The following DNAJC5B variants were observed in gnomAD, a reference collection of about 807,000 sequenced individuals.
The protein encoded by DNAJC5B is DnaJ heat shock protein family (Hsp40) member C5 beta, also known as dnaJ homolog subfamily C member 5B.
A neutral mutation model predicts 24.7 loss-of-function variants in DNAJC5B; 23 were observed. The ratio of observed to expected loss-of-function variants is 0.93; its 90% confidence interval spans 0.67 to 1.32. The LOEUF (loss-of-function observed/expected upper bound fraction) is 1.32. DNAJC5B is among the 40% of genes most tolerant of loss of function. The pLI is 0.00. For synonymous variants in DNAJC5B, 101 were observed against 90.1 expected (o/e 1.12, Z -0.68); for missense variants, 238 against 240.8 (o/e 0.99, Z 0.08).
At position 66,043,580 on chromosome 8, in the gene DNAJC5B, G is replaced by GAGC. The variant is rs1806661400; in HGVS notation, c.-45_-43dup. 6.6e-6 allele frequency: 1 copy of GAGC among 152,248 alleles called. No homozygotes were observed. Among genetic ancestry groups the GAGC allele is most frequent in the Non-Finnish European group, 1.5e-5 (1 of 68,062 alleles). 9.4% of individuals were successfully genotyped at this position (152,248 alleles called of 1,614,324 possible). On this transcript the variant is annotated 5_prime_UTR_variant, in exon 2 of 6. Coordinates refer to ENST00000276570, the MANE Select transcript of DNAJC5B (RefSeq NM_033105.6). ...CTGCATGGGGGGGAAGGATGGAAAG[G>GAGC]AGCAGCTGTTTGCTTTGAAACGGTG...
At chr8:66,037,541 A>G (rs1361844296) in intron 1 of DNAJC5B, among the ~76,000 whole-genome samples, 1 of 152,144 alleles carries the variant, frequency 6.6e-6, no homozygotes, top group Non-Finnish European at 1.5e-5. Context: ...GGGTGTGTGT[A>G]TGCTTGTGGA....
intron 5 of DNAJC5B, among the ~76,000 whole-genome samples, chr8:66,094,861 T>A (rs1160957607): frequency 6.6e-6 from 1 of 152,106 alleles, no homozygotes; most frequent in East Asian, 1.9e-4. Context: ...TCAGAGATGG[T>A]CATGATTTTT....
chr8:66,048,597 T>C (rs1806776335), intron 2 of DNAJC5B, among the ~76,000 whole-genome samples: 1 of 152,154 alleles, frequency 6.6e-6, no homozygotes, highest in Admixed American at 6.5e-5. Flanking sequence ...CTCTCTGAGC[T>C]AGATCCCAAT....
At chr8:66,039,264 G>A (rs536123692) in intron 1 of DNAJC5B, among the ~76,000 whole-genome samples, 1 of 152,002 alleles carries the variant, frequency 6.6e-6, no homozygotes, top group South Asian at 2.1e-4. Context: ...TCACTGGCTG[G>A]TTACCTTGGG....
At chr8:66,042,875 C>A (rs931287633) in intron 1 of DNAJC5B, among the ~76,000 whole-genome samples, 9 of 151,918 alleles carry the variant, frequency 5.9e-5, no homozygotes, top group African/African-American at 2.2e-4. Flanking sequence ...GCTGGGCTAC[C>A]TGTCTTGGTA....
chr8:66,059,009 C>T (rs1414528136), intron 3 of DNAJC5B, among the ~76,000 whole-genome samples: 1 of 152,160 alleles, frequency 6.6e-6, no homozygotes, highest in Admixed American at 6.5e-5. Context: ...CCCTTTGGTG[C>T]TGCTGTTTAA....
intron 5 of DNAJC5B, among the ~76,000 whole-genome samples, chr8:66,099,001 C>G (rs1197675290): frequency 7.0e-6 from 1 of 143,578 alleles, no homozygotes; most frequent in Non-Finnish European, 1.5e-5. Context: ...CTCTCTGTCT[C>G]TCTCTCTCTC....
chr8:66,091,645 T>A (rs1203732274), intron 5 of DNAJC5B, among the ~76,000 whole-genome samples: 1 of 152,138 alleles, frequency 6.6e-6, no homozygotes, highest in African/African-American at 2.4e-5. Context: ...GAGATATGCT[T>A]AGACAAAGGT....
rs1271742540 is a variant in DNAJC5B, at chr8:66,092,298, CACA to C, written c.506-7636_506-7634del. On this transcript the variant is annotated intron_variant, in intron 5 of 5. Coordinates refer to ENST00000276570, the MANE Select transcript of DNAJC5B (RefSeq NM_033105.6). ...CTTTGTTCTCTGCAAATTCACGCAG[CACA>C]ACGAGTGGAGGAAATCACAGGCCTA... is the stretch of plus-strand genomic sequence containing the variant. Among the ~76,000 whole-genome samples the C allele has an allele frequency of 1.7e-4, 26 of 152,258 alleles. No individual in the cohort carries two copies. In the East Asian group the frequency reaches 4.2e-3, roughly 25 times the overall value.
chr8:66,024,614 C>A (rs1398469132), intron 1 of DNAJC5B, among the ~76,000 whole-genome samples: 3 of 88,178 alleles, frequency 3.4e-5, no homozygotes, highest in Non-Finnish European at 6.4e-5. Context: ...GTGTGATATT[C>A]CCCTTCCTGT....
intron 2 of DNAJC5B, among the ~76,000 whole-genome samples, chr8:66,044,120 C>A (rs908070265): frequency 6.6e-6 from 1 of 152,154 alleles, no homozygotes. Flanking sequence ...CGGCCAAGAG[C>A]ATTGTTTTCA....
chr8:66,074,332 A>T (rs776028698), intron 3 of DNAJC5B, among the ~76,000 whole-genome samples: 37 of 152,194 alleles, frequency 2.4e-4, no homozygotes, highest in Non-Finnish European at 4.9e-4. Context: ...GGAGCAAAAC[A>T]TTGTAACTCT....
In DNAJC5B at chr8:66,099,980, G is replaced by A. The variant is rs751665629; in HGVS notation, c.549G>A (p.Glu183=). The change falls in exon 6 of 6, where the codon GAG becomes GAA. Residue 183 remains glutamate (E), a synonymous_variant. Transcript: ENST00000276570. ...PVFLQPTNAN[E]KTQLIKEGSR... is the part of the protein sequence containing the mutation. ...TTCTCCAGCCTACAAATGCAAATGA[G>A]AAAACACAGCTAATCAAAGAAGGAT... is the stretch of plus-strand genomic sequence containing the variant. 6.2e-7 allele frequency: 1 copy of A among 1,613,944 alleles called. No individual in the cohort carries two copies. The highest frequency in any genetic ancestry group is 8.5e-7 in the Non-Finnish European group (1 of 1,179,922).
chr8:66,091,679 A>G (rs528213287), intron 5 of DNAJC5B, among the ~76,000 whole-genome samples: 2 of 152,310 alleles, frequency 1.3e-5, no homozygotes, highest in East Asian at 1.9e-4. Flanking sequence ...ATGAAACATG[A>G]TAAGTGGAAG....
At chr8:66,046,287 C>T (rs752963510) in intron 2 of DNAJC5B, among the ~76,000 whole-genome samples, 1 of 152,206 alleles carries the variant, frequency 6.6e-6, no homozygotes, top group Non-Finnish European at 1.5e-5. Context: ...CGTGCAGGCT[C>T]AGTGGCTGCG....
chr8:66,056,649 G>A (rs1325802694), intron 3 of DNAJC5B: 1 of 152,192 alleles, frequency 6.6e-6, no homozygotes, highest in South Asian at 2.1e-4. Context: ...TAAACCTAAA[G>A]GGGGCTGCCT....
intron 1 of DNAJC5B, among the ~76,000 whole-genome samples, chr8:66,035,385 T>A (rs750275149): frequency 7.2e-5 from 11 of 152,188 alleles, no homozygotes; most frequent in Non-Finnish European, 1.5e-4. Flanking sequence ...GGAGATGTCA[T>A]TAAGATCTAA....
intron 1 of DNAJC5B, among the ~76,000 whole-genome samples, chr8:66,029,323 C>T (rs1224994206): frequency 1.3e-5 from 2 of 152,190 alleles, no homozygotes; most frequent in East Asian, 3.8e-4. Flanking sequence ...ATGGTGTATT[C>T]ATGGAGCTAA....
At chr8:66,037,980 A>G (rs533493146) in intron 1 of DNAJC5B, among the ~76,000 whole-genome samples, 1 of 152,366 alleles carries the variant, frequency 6.6e-6, no homozygotes, top group South Asian at 2.1e-4. Context: ...CCCAGGAGGC[A>G]GGCAGAGGGA....
Sources: allele counts gnomAD v4.1 joint callset (sites outside exome capture counted in the v4.1 genomes callset), GRCh38; gene constraint gnomAD v4.1.1; transcripts MANE v1.5; gene names NCBI Gene and HGNC (gene_info 2026-07-23, HGNC 2026-07-21).